Variants in COL25A1 observed in about 807,000 individuals in gnomAD.
COL25A1 encodes collagen alpha-1(XXV) chain.
A neutral mutation model predicts 128.4 loss-of-function variants in COL25A1; 103 were observed. That is an observed-to-expected ratio of 0.80 (90% CI 0.68 to 0.94). The LOEUF (loss-of-function observed/expected upper bound fraction) is 0.94, where lower values mean the gene tolerates loss of function less well. Among genes scored for constraint, COL25A1 ranks in the 40% least tolerant of loss-of-function variants. The pLI is 0.00. For missense variants in COL25A1, 745 were observed against 840.0 expected (o/e 0.89, Z 1.40); for synonymous variants, 279 against 277.2 (o/e 1.01, Z -0.06).
intron 20 of COL25A1, among the ~76,000 whole-genome samples, chr4:108,867,561 G>A (rs1738088033): frequency 6.6e-6 from 1 of 152,088 alleles, no homozygotes; most frequent in South Asian, 2.1e-4. Context: ...TCCCCCCTAG[G>A]ACACACATAG....
chr4:109,121,271 C>G (rs1768081050), intron 3 of COL25A1, among the ~76,000 whole-genome samples: 1 of 151,922 alleles, frequency 6.6e-6, no homozygotes, highest in Non-Finnish European at 1.5e-5. Flanking sequence ...AAGTGACAAA[C>G]TATGAAAAAT....
intron 26 of COL25A1, among the ~76,000 whole-genome samples, chr4:108,851,996 T>C (rs1050921449): frequency 2.6e-5 from 4 of 152,108 alleles, no homozygotes; most frequent in Non-Finnish European, 5.9e-5. Flanking sequence ...TAATATCTTT[T>C]TTCAATGTCT....
chr4:109,285,071 T>C (rs1318440632), intron 3 of COL25A1, among the ~76,000 whole-genome samples: 1 of 151,912 alleles, frequency 6.6e-6, no homozygotes, highest in Middle Eastern at 3.2e-3. Flanking sequence ...TCAGGCCACA[T>C]CTGGAGCTTC....
At chr4:109,266,064 A>C (rs1453446201) in intron 3 of COL25A1, among the ~76,000 whole-genome samples, 1 of 152,200 alleles carries the variant, frequency 6.6e-6, no homozygotes, top group Admixed American at 6.5e-5. Context: ...TAACAGGTGT[A>C]ACCGTTAAAG....
At chr4:109,163,643 G>T (rs1027059559) in intron 3 of COL25A1, among the ~76,000 whole-genome samples, 4 of 152,144 alleles carry the variant, frequency 2.6e-5, no homozygotes, top group Non-Finnish European at 4.4e-5. Flanking sequence ...GATGAATGAG[G>T]TTTTACTTCT....
chr4:109,267,964 A>G (rs913670131), intron 3 of COL25A1, among the ~76,000 whole-genome samples: 2 of 152,166 alleles, frequency 1.3e-5, no homozygotes, highest in African/African-American at 4.8e-5. Flanking sequence ...AGATCGCTTC[A>G]TTATTACAAA....
chr4:109,220,033 AT>A (rs1778303914), intron 3 of COL25A1, among the ~76,000 whole-genome samples: 1 of 152,222 alleles, frequency 6.6e-6, no homozygotes, highest in African/African-American at 2.4e-5. Flanking sequence ...ACCATCTGTC[AT>A]TTATAGTCTT....
chr4:109,001,432 G>GGC, intron 6 of COL25A1, among the ~76,000 whole-genome samples: 1 of 9,586 alleles, frequency 1.0e-4, no homozygotes, highest in Non-Finnish European at 6.3e-4. Flanking sequence ...CAGTGAGCTA[G>GGC]AGGGTTTTAA....
chr4:109,285,085 G>A lies in COL25A1; in HGVS notation c.367+15498C>T, dbSNP rs538356596. On this transcript the variant is annotated intron_variant, in intron 3 of 37. Transcript: ENST00000399132. ...GTCAGGCCACATCTGGAGCTTCATT[G>A]AGAATCAGTTGCACAAATTTAAGAA... 2.6e-5 allele frequency among the ~76,000 whole-genome samples: 4 copies of A among 152,138 alleles called. No homozygotes were observed. The East Asian group carries it at 5.8e-4, about 22-fold the overall frequency.
At chr4:108,901,639 T>C (rs1359569507) in intron 13 of COL25A1, among the ~76,000 whole-genome samples, 1 of 152,156 alleles carries the variant, frequency 6.6e-6, no homozygotes, top group African/African-American at 2.4e-5. Context: ...TTTGAACACC[T>C]ACTTAATTCA....
At chr4:108,835,965 G>C (rs191535634) in intron 31 of COL25A1, among the ~76,000 whole-genome samples, 1 of 131,884 alleles carries the variant, frequency 7.6e-6, no homozygotes, top group African/African-American at 2.9e-5. Flanking sequence ...TCTGCCTCTC[G>C]GGTTTATGCC....
rs545532580 is a variant in COL25A1 at position 108,823,169 on chromosome 4, G to C, written c.1845+1005C>G. ...TCAAGAGAATTCATAAGGTTAAATAGAGCAGGGACATAAATTAACCTGAGA... is the reference window on the plus strand; with the variant it reads ...TCAAGAGAATTCATAAGGTTAAATACAGCAGGGACATAAATTAACCTGAGA... On this transcript the variant is annotated intron_variant, in intron 35 of 37. Transcript: ENST00000399132. Among the ~76,000 whole-genome samples the C allele has an allele frequency of 7.9e-5, 12 of 152,350 alleles. No individual in the cohort carries two copies. In the South Asian group the frequency reaches 1.2e-3, roughly 16 times the overall value.
chr4:109,026,135 CA>C, intron 5 of COL25A1, among the ~76,000 whole-genome samples: 1 of 150,690 alleles, frequency 6.6e-6, no homozygotes, highest in East Asian at 1.9e-4. Flanking sequence ...CACACACACA[CA>C]TATACTCTTA....
chr4:108,861,868 A>G (rs962886646), intron 22 of COL25A1, among the ~76,000 whole-genome samples: 3 of 152,216 alleles, frequency 2.0e-5, no homozygotes, highest in Non-Finnish European at 4.4e-5. Context: ...GATAAGCAGG[A>G]AAAAGGATTA....
At chr4:108,923,681 C>T (rs1745723720) in intron 11 of COL25A1, among the ~76,000 whole-genome samples, 2 of 150,488 alleles carry the variant, frequency 1.3e-5, no homozygotes, top group South Asian at 4.2e-4. Flanking sequence ...AGATTTTCAT[C>T]CTGCACAACA....
chr4:108,983,537 T>C (rs1477878955), intron 6 of COL25A1, among the ~76,000 whole-genome samples: 2 of 152,210 alleles, frequency 1.3e-5, no homozygotes, highest in African/African-American at 2.4e-5. Context: ...TGCAGTAGTA[T>C]TGTGTCCAGA....
chr4:108,852,350 C>A, intron 25 of COL25A1, 70 bp from the exon 26 acceptor site: 1 of 1,072,844 alleles, frequency 9.3e-7, no homozygotes, highest in Non-Finnish European at 1.4e-6. Flanking sequence ...CTTAAATAGG[C>A]ACACTATACA....
At chr4:109,087,981 T>C (rs1050980898) in intron 3 of COL25A1, among the ~76,000 whole-genome samples, 9 of 151,694 alleles carry the variant, frequency 5.9e-5, no homozygotes, top group African/African-American at 2.2e-4. Flanking sequence ...TATTTAATAC[T>C]CTGAAGCTTC....
chr4:109,301,292 T>G lies in COL25A1; in HGVS notation c.297+431A>C, dbSNP rs184907302. 9.6e-4 allele frequency among the ~76,000 whole-genome samples: 147 copies of G among 152,338 alleles called. 1 individual carries two copies. Among genetic ancestry groups the G allele is most frequent in the Non-Finnish European group, 1.2e-3 (85 of 68,034 alleles). On this transcript the variant is annotated intron_variant, in intron 2 of 37. Transcript: ENST00000399132. ...GATTTTAAATTATATATGACATTAT[T>G]TTACATTTAAGAGTGATTACCTTTT...
Sources: gnomAD v4.1 joint callset for allele counts (sites outside exome capture counted in the v4.1 genomes callset) on GRCh38, gnomAD v4.1.1 for gene constraint, MANE v1.5 for transcripts, NCBI Gene and HGNC (gene_info 2026-07-23, HGNC 2026-07-21) for gene names.